The following ANKFY1 variants were observed in gnomAD, a reference collection of about 807,000 sequenced individuals.
ANKFY1 encodes the protein ankyrin repeat and FYVE domain containing 1.
In ANKFY1, 47 loss-of-function variants were observed where a neutral mutation model predicts 128.3. The observed-to-expected ratio is 0.37, with a 90% CI of 0.29 to 0.47. ANKFY1 has a LOEUF of 0.47. Ranked by LOEUF, ANKFY1 falls within the 20% of genes least tolerant of loss-of-function variation. The pLI is 1.00. For synonymous variants in ANKFY1, 553 were observed against 601.6 expected (o/e 0.92, Z 1.18); for missense variants, 1,222 against 1,510.6 (o/e 0.81, Z 3.17).
rs2059368965 is a variant in ANKFY1 at position 4,173,957 on chromosome 17, G to C, written c.2875C>G (p.Leu959Val). ...GCAGCAAAGTCCACGCCATTCTCTA[G>C]GAGGACTGAGCAGATGGTGGGCAGG... ...QDLPTICSVL[L>V]ENGVDFAAVD... is the part of the protein sequence containing the mutation. Residue 959 changes from leucine to valine, a missense_variant, in exon 20 of 25, where the codon CTA becomes GTA. Coordinates refer to ENST00000341657, the MANE Select transcript of ANKFY1 (RefSeq NM_001330063.2). 6.8e-6 allele frequency: 11 copies of C among 1,614,184 alleles called. No homozygotes were observed. The highest frequency in any genetic ancestry group is 8.5e-6 in the Non-Finnish European group (10 of 1,180,006).
chr17:4,217,077 A>T lies in ANKFY1; in HGVS notation c.364T>A (p.Tyr122Asn), dbSNP rs2060232250. 1 of 1,613,516 alleles carries T rather than the reference A, an allele frequency of 6.2e-7. No individual in the cohort carries two copies. Among genetic ancestry groups the T allele is most frequent in the Non-Finnish European group, 8.5e-7 (1 of 1,179,882 alleles). The part of the protein sequence containing the change: ...EVTMTMLRWI[Y>N]TDELEFREDD... ...TCTCTGAACTCCAGCTCATCTGTAT[A>T]GATCCAGCGAAGCATTGTCATCGTC... Residue 122 changes from tyrosine (Y) to asparagine (N), a missense_variant, in exon 4 of 25, where the codon TAT becomes AAT. Transcript: ENST00000341657.
chr17:4,189,509 C>A (rs1346119677), intron 10 of ANKFY1, 30 bp from the exon 11 acceptor site: 1 of 1,533,820 alleles, frequency 6.5e-7, no homozygotes, highest in South Asian at 1.2e-5. Context: ...GCTGATTCTT[C>A]TGTTTGCATC....
Position 4,185,021 on chromosome 17 carries a change from C to T in ANKFY1, c.1496G>A (p.Cys499Tyr). ...KWGETPLHTA[C>Y]RHGLANLTAE... ...CGTGAGGTTGGCCAGGCCATGCCGA[C>T]ACGCTGTGTGCAACGGGGTTTCTCC... The change falls in exon 12 of 25, where the codon TGT becomes TAT. Residue 499 changes from cysteine (C) to tyrosine (Y), a missense_variant. Transcript: ENST00000341657. 1 of 1,613,572 alleles carries T rather than the reference C, an allele frequency of 6.2e-7. No homozygotes were observed. The highest frequency in any genetic ancestry group is 8.5e-7 in the Non-Finnish European group (1 of 1,180,024).
chr17:4,169,433 G>C lies in ANKFY1; in HGVS notation c.3287-145C>G. The C allele has an allele frequency of 1.6e-6, 1 of 631,036 alleles. No homozygotes were observed. The highest frequency in any genetic ancestry group is 1.9e-5 in the South Asian group (1 of 53,396). The allele number at this position is 631,036 out of a possible 1,614,324, so 39.1% of individuals were successfully genotyped here. A position where few individuals can be genotyped will look rare whatever the true frequency, so the allele number is the denominator to read the frequency against. On this transcript the variant is annotated intron_variant, in intron 23 of 24. Coordinates refer to ENST00000341657, the MANE Select transcript of ANKFY1 (RefSeq NM_001330063.2). The surrounding 1 kb of genome is among the most constrained non-coding windows in gnomAD (Gnocchi z 5.0). ...GTGACGAAGGAGCGATAGGTTCTAA[G>C]TGGTTCAGGGCCAGCTTCCCAGAGG...
rs114673600 is a variant in ANKFY1, at chr17:4,263,953, C to A, written c.-12G>T. The A allele has an allele frequency of 6.8e-6, 11 of 1,614,010 alleles. No individual in the cohort carries two copies. The highest frequency in any genetic ancestry group is 1.1e-5 in the South Asian group (1 of 91,086). On this transcript the variant is annotated 5_prime_UTR_variant, in exon 1 of 25. Coordinates refer to ENST00000341657, the MANE Select transcript of ANKFY1 (RefSeq NM_001330063.2). ...CTACCTTCCGCCATGTCTGGCCCGG[C>A]ACTGCCTGCAACCTCGCGAGAAGTG...
chr17:4,177,092 A>G (rs760661535), intron 19 of ANKFY1, 34 bp downstream of exon 19: 8 of 1,525,562 alleles, frequency 5.2e-6, no homozygotes, highest in African/African-American at 4.2e-5. Flanking sequence ...CTTTGACAAC[A>G]TATTATTACA....
chr17:4,179,441 C>T (rs938879903), intron 17 of ANKFY1: 13 of 534,084 alleles, frequency 2.4e-5, no homozygotes, highest in Non-Finnish European at 4.3e-5. Flanking sequence ...TTCCTAAATA[C>T]AGTATGCGAT....
chr17:4,252,148 A>C (rs1286227346), intron 1 of ANKFY1, among the ~76,000 whole-genome samples: 1 of 152,228 alleles, frequency 6.6e-6, no homozygotes, highest in East Asian at 1.9e-4. Flanking sequence ...AAACAAGATA[A>C]ATGTACAGTA....
chr17:4,187,317 GAGGAC>G (rs745767805), intron 11 of ANKFY1: 9 of 398,652 alleles, frequency 2.3e-5, no homozygotes, highest in Non-Finnish European at 8.8e-6. Context: ...TGCAGTGTGA[GAGGAC>G]AGGACAGGAC....
At chr17:4,171,608 G>A (rs1052476687) in intron 22 of ANKFY1, among the ~76,000 whole-genome samples, 2 of 152,156 alleles carry the variant, frequency 1.3e-5, no homozygotes, top group Admixed American at 6.5e-5. Context: ...TCTGTAAACC[G>A]GGGACCTCAA....
At chr17:4,205,287 C>A (rs896409359) in intron 7 of ANKFY1, among the ~76,000 whole-genome samples, 2 of 152,214 alleles carry the variant, frequency 1.3e-5, no homozygotes, top group Non-Finnish European at 2.9e-5. Flanking sequence ...TCATTTCTCA[C>A]TGGAACTCTA....
chr17:4,185,778 C>T (rs1229580877), intron 11 of ANKFY1, among the ~76,000 whole-genome samples: 2 of 152,196 alleles, frequency 1.3e-5, no homozygotes, highest in African/African-American at 4.8e-5. Context: ...ATGCTTATCA[C>T]GACAGAACAA....
At chr17:4,197,153 C>T (rs2059840926) in intron 8 of ANKFY1, among the ~76,000 whole-genome samples, 1 of 152,084 alleles carries the variant, frequency 6.6e-6, no homozygotes, top group African/African-American at 2.4e-5. Context: ...CAAAAAAAAC[C>T]TCGAAGACTT....
At chr17:4,173,248 G>T in intron 21 of ANKFY1, 106 bp downstream of exon 21, 1 of 1,011,730 alleles carries the variant, frequency 9.9e-7, no homozygotes, top group Non-Finnish European at 1.5e-6. Context: ...TGCCCCAGCG[G>T]CCGGTTTTGC....
At chr17:4,187,522 C>G in intron 11 of ANKFY1, 1 of 366,396 alleles carries the variant, frequency 2.7e-6, no homozygotes, top group Admixed American at 4.6e-5. Context: ...GTGTTCCAGG[C>G]CCTTCTGCAG....
At chr17:4,202,041 T>C (rs180871007) in intron 7 of ANKFY1, among the ~76,000 whole-genome samples, 1 of 152,274 alleles carries the variant, frequency 6.6e-6, no homozygotes, top group African/African-American at 2.4e-5. Flanking sequence ...AAATATGAGA[T>C]ACTCAGGGGA....
intron 3 of ANKFY1, among the ~76,000 whole-genome samples, chr17:4,234,836 G>A (rs1451326442): frequency 6.6e-6 from 1 of 152,064 alleles, no homozygotes; most frequent in Non-Finnish European, 1.5e-5. Flanking sequence ...AAAACAAATT[G>A]TATTGTGTAT....
chr17:4,218,777 C>A (rs1181301094), intron 3 of ANKFY1, among the ~76,000 whole-genome samples: 1 of 152,046 alleles, frequency 6.6e-6, no homozygotes, highest in African/African-American at 2.4e-5. Context: ...ACTCAAGGGG[C>A]CAATGTGGGA....
chr17:4,185,485 G>T (rs1256049818), intron 11 of ANKFY1, among the ~76,000 whole-genome samples: 1 of 151,518 alleles, frequency 6.6e-6, no homozygotes, highest in Middle Eastern at 3.4e-3. Context: ...TTACAAGCGT[G>T]AGCCACCACG....
Sources: allele counts gnomAD v4.1 joint callset (sites outside exome capture counted in the v4.1 genomes callset), GRCh38; gene constraint gnomAD v4.1.1; non-coding constraint Gnocchi (gnomAD v3.1); transcripts MANE v1.5; gene names NCBI Gene and HGNC (gene_info 2026-07-23, HGNC 2026-07-21).